GAS6: variants seen among roughly 807,000 people sequenced by gnomAD.
GAS6 encodes the protein growth arrest-specific protein 6.
GAS6 carries 41 observed loss-of-function variants against 75.8 expected under a neutral mutation model. That is an observed-to-expected ratio of 0.54 (90% CI 0.42 to 0.70). GAS6 has a LOEUF of 0.70. Among genes scored for constraint, GAS6 ranks in the 30% least tolerant of loss-of-function variants. GAS6 has a pLI of 0.00. For synonymous variants in GAS6, 432 were observed against 412.6 expected (o/e 1.05, Z -0.57); for missense variants, 854 against 940.2 (o/e 0.91, Z 1.20).
intron 8 of GAS6, 61 bp from the exon 9 acceptor site, chr13:113,832,813 C>A: frequency 6.2e-7 from 1 of 1,608,576 alleles, no homozygotes. Context: ...TCCCCTGAGC[C>A]CCACGCCCCG....
chr13:113,835,812 G>C, intron 6 of GAS6, 177 bp from the exon 7 acceptor site: 2 of 1,423,040 alleles, frequency 1.4e-6, no homozygotes, highest in Non-Finnish European at 1.8e-6. Flanking sequence ...AGCTCCCGGG[G>C]TGTTGGTGCA....
intron 2 of GAS6, among the ~76,000 whole-genome samples, chr13:113,852,611 G>A (rs1280373845): frequency 2.0e-5 from 3 of 152,194 alleles, no homozygotes; most frequent in Non-Finnish European, 4.4e-5. Context: ...AGGGCAGTGG[G>A]TGCCGGCAGA....
rs113814682 is a variant in GAS6, at chr13:113,828,999, G to A, written c.1144-288C>T. On this transcript the variant is annotated intron_variant, in intron 10 of 14. Transcript: ENST00000327773. Reference sequence around the variant, plus strand: ...TCCTCCCCTGAGCCAAGAGGGTCCCGATCTCAGGGAGACCACCTGATCCTC... The same window carrying A: ...TCCTCCCCTGAGCCAAGAGGGTCCCAATCTCAGGGAGACCACCTGATCCTC... Among the ~76,000 whole-genome samples the A allele has an allele frequency of 3.0e-4, 25 of 82,718 alleles. 1 individual carries two copies. Among genetic ancestry groups the A allele is most frequent in the Non-Finnish European group, 4.1e-4 (20 of 48,364 alleles). 54.3% of individuals were successfully genotyped at this position (82,718 alleles called of 152,430 possible).
chr13:113,861,138 G>A (rs893149791), intron 2 of GAS6, among the ~76,000 whole-genome samples: 7 of 152,160 alleles, frequency 4.6e-5, no homozygotes, highest in African/African-American at 1.2e-4. Flanking sequence ...GACACACTTC[G>A]GGCAGGTTAG....
chr13:113,859,541 AGT>A (rs375607420), intron 2 of GAS6, among the ~76,000 whole-genome samples: 48 of 139,952 alleles, frequency 3.4e-4, no homozygotes, highest in East Asian at 8.7e-4. Flanking sequence ...CATGTCTGTC[AGT>A]GTGTGTGTGT....
At chr13:113,829,424 A>T (rs112408064) in intron 10 of GAS6, among the ~76,000 whole-genome samples, 6,152 of 65,220 alleles carry the variant, frequency 0.094, no homozygotes, top group African/African-American at 0.28. Flanking sequence ...TCTCAGGGAC[A>T]CCACCTGATC....
rs1288666660 is a variant in GAS6 at position 113,848,597 on chromosome 13, G to A, written c.256-547C>T. 6.6e-6 allele frequency among the ~76,000 whole-genome samples: 1 copy of A among 152,106 alleles called. No individual in the cohort carries two copies. Among genetic ancestry groups the A allele is most frequent in the African/African-American group, 2.4e-5 (1 of 41,400 alleles). On this transcript the variant is annotated intron_variant, in intron 2 of 14. Transcript: ENST00000327773. This position sits in a 1 kb window ranked among gnomAD's most constrained non-coding sequence, Gnocchi z 4.8. ...ACCTGCCTGTCACTTGGCCAGCAGA[G>A]GCCGGCCGGAAACTTCTTCAGGATC...
At chr13:113,826,623 TCGCAGGCACC>T (rs2051549890) in intron 12 of GAS6, among the ~76,000 whole-genome samples, 1 of 59,446 alleles carries the variant, frequency 1.7e-5, no homozygotes, top group Non-Finnish European at 3.4e-5. Flanking sequence ...GGCGCCGGCC[TCGCAGGCACC>T]TTCTCTCCCC....
chr13:113,839,399 C>T (rs570039867), intron 5 of GAS6: 38 of 251,628 alleles, frequency 1.5e-4, no homozygotes, highest in Admixed American at 4.9e-4. Flanking sequence ...GTGAAATTTC[C>T]CCCCCGCCTT....
chr13:113,851,220 T>C (rs2051871589), intron 2 of GAS6, among the ~76,000 whole-genome samples: 1 of 151,710 alleles, frequency 6.6e-6, no homozygotes, highest in South Asian at 2.1e-4. Context: ...GGTGAGTGGA[T>C]GGATGGATGG....
At position 113,863,826 on chromosome 13, in the gene GAS6, G is replaced by T. The variant is rs911591352; in HGVS notation, c.88+7C>A. On this transcript the variant is annotated splice_region_variant and intron_variant, in intron 1 of 14. Coordinates refer to ENST00000327773, the MANE Select transcript of GAS6 (RefSeq NM_000820.4). This position sits in a 1 kb window ranked among gnomAD's most constrained non-coding sequence, Gnocchi z 9.4. ...CGGGGACGGGGTCTCGGGCCCGCGG[G>T]ACTCACCAAGCGCGCACTCCGCGGC... 7.4e-6 allele frequency: 10 copies of T among 1,358,846 alleles called. No homozygotes were observed. In the African/African-American group the frequency reaches 1.5e-4, roughly 21 times the overall value. The allele number at this position is 1,358,846 out of a possible 1,614,324, so 84.2% of individuals were successfully genotyped here. A position where few individuals can be genotyped will look rare whatever the true frequency, so the allele number is the denominator to read the frequency against.
intron 12 of GAS6, among the ~76,000 whole-genome samples, chr13:113,826,331 C>T (rs2051538027): frequency 6.6e-6 from 1 of 152,238 alleles, no homozygotes; most frequent in Non-Finnish European, 1.5e-5. Flanking sequence ...AGTCCTAAGG[C>T]TGTGCTGTCT....
intron 6 of GAS6, chr13:113,836,052 T>G: frequency 2.0e-6 from 2 of 997,924 alleles, no homozygotes; most frequent in African/African-American, 1.8e-5. Flanking sequence ...CAATTTTCAC[T>G]ACCGGGTTAA....
chr13:113,833,821 G>A (rs2051661670), intron 8 of GAS6: 1 of 1,025,696 alleles, frequency 9.7e-7, no homozygotes, highest in South Asian at 3.1e-5. Context: ...ACAGGCACCG[G>A]TGTGACAGGT....
At chr13:113,836,854 GA>G (rs2051721709) in intron 6 of GAS6, among the ~76,000 whole-genome samples, 1 of 97,346 alleles carries the variant, frequency 1.0e-5, no homozygotes, top group South Asian at 4.4e-4. Context: ...GAGTGGGGGG[GA>G]GGAGGAGGGG....
chr13:113,860,142 G>A (rs1013048975), intron 2 of GAS6, among the ~76,000 whole-genome samples: 5 of 152,340 alleles, frequency 3.3e-5, no homozygotes, highest in Middle Eastern at 6.8e-3. Flanking sequence ...CTGGGACAGA[G>A]AGAGAAACAC....
chr13:113,835,912 G>A (rs2051697367), intron 6 of GAS6: 2 of 1,294,872 alleles, frequency 1.5e-6, no homozygotes, highest in South Asian at 2.1e-5. Flanking sequence ...GGGGTGGGGG[G>A]CGGCGGTGCA....
At chr13:113,857,381 C>T (rs1325921959) in intron 2 of GAS6, among the ~76,000 whole-genome samples, 1 of 152,118 alleles carries the variant, frequency 6.6e-6, no homozygotes, top group Non-Finnish European at 1.5e-5. Flanking sequence ...TAAAATGAAC[C>T]TTTCACTTGG....
In GAS6 at chr13:113,823,856, A is replaced by G. The variant is rs117804716; in HGVS notation, c.1478-306T>C. On this transcript the variant is annotated intron_variant, in intron 12 of 14. Coordinates refer to ENST00000327773, the MANE Select transcript of GAS6 (RefSeq NM_000820.4). ...CCACAGGCTGTGCACCATGGGACGC[A>G]GGCCTGTCCCTGCCTCCCTCCGATG... 3.7e-3 allele frequency among the ~76,000 whole-genome samples: 565 copies of G among 151,398 alleles called. 23 individuals carry two copies. In the East Asian group the frequency reaches 0.086, roughly 23 times the overall value.
Sources: gnomAD v4.1 joint callset for allele counts (sites outside exome capture counted in the v4.1 genomes callset) on GRCh38, gnomAD v4.1.1 for gene constraint, Gnocchi (gnomAD v3.1) non-coding constraint, MANE v1.5 for transcripts, NCBI Gene and HGNC (gene_info 2026-07-23, HGNC 2026-07-21) for gene names.